TNFAIP8: variants seen among roughly 807,000 people sequenced by gnomAD.
The protein encoded by TNFAIP8 is tumor necrosis factor alpha-induced protein 8.
A neutral mutation model predicts 13.3 loss-of-function variants in TNFAIP8; 7 were observed. That is an observed-to-expected ratio of 0.52 (90% CI 0.30 to 0.99). TNFAIP8 has a LOEUF of 0.99. TNFAIP8 is among the 50% of genes least tolerant of loss of function. The pLI is 0.07. For missense variants in TNFAIP8, 258 were observed against 236.9 expected, an observed-to-expected ratio of 1.09 and a Z score of -0.58; for synonymous variants, 94 against 87.6, an observed-to-expected ratio of 1.07 and a Z score of -0.41.
intron 1 of TNFAIP8, among the ~76,000 whole-genome samples, chr5:119,392,113 A>G (rs965802164): frequency 3.3e-5 from 5 of 152,224 alleles, no homozygotes; most frequent in African/African-American, 4.8e-5. Flanking sequence ...GCAAGTGACA[A>G]TGAGCTCTCC....
At chr5:119,320,824 C>G (rs75308503) in intron 1 of TNFAIP8, among the ~76,000 whole-genome samples, 1 of 151,968 alleles carries the variant, frequency 6.6e-6, no homozygotes, top group African/African-American at 2.4e-5. Context: ...TGGAATTGCC[C>G]CAGGGCTTAG....
At chr5:119,300,579 A>T (rs116653286) in intron 1 of TNFAIP8, among the ~76,000 whole-genome samples, 1 of 152,158 alleles carries the variant, frequency 6.6e-6, no homozygotes, top group African/African-American at 2.4e-5. Context: ...CTTGCTTACT[A>T]TGTACTTCTC....
chr5:119,362,621 C>T (rs1244665841), intron 1 of TNFAIP8, among the ~76,000 whole-genome samples: 2 of 91,842 alleles, frequency 2.2e-5, no homozygotes, highest in Non-Finnish European at 5.3e-5. Flanking sequence ...CAAAGTGAGA[C>T]CCCCCATCTC....
chr5:119,394,193 T>G lies in TNFAIP8; in HGVS notation c.*812T>G, dbSNP rs558945085. ...GAGACAAAAAAGTCTAGATTGGTCT[T>G]GATATTGAGATAATAAAAAGTAAGT... On this transcript the variant is annotated 3_prime_UTR_variant, in exon 2 of 2. Transcript: ENST00000504771. The G allele has an allele frequency of 1.3e-5, 2 of 152,294 alleles. No individual in the cohort carries two copies. The highest frequency in any genetic ancestry group is 2.1e-4 in the South Asian group (1 of 4,830). 9.4% of individuals were successfully genotyped at this position (152,294 alleles called of 1,614,324 possible).
At position 119,356,130 on chromosome 5, in the gene TNFAIP8, C is replaced by T. The variant is rs769823125; in HGVS notation, c.31+9C>T. 1.6e-5 allele frequency: 26 copies of T among 1,578,192 alleles called. No individual in the cohort carries two copies. Among genetic ancestry groups the T allele is most frequent in the Middle Eastern group, 3.3e-4 (2 of 5,994 alleles). ...AGAAGAATCCAAGGAAGGTAGGATT[C>T]TGGTTTCTCCTGGGGGCCGGCCAAG... On this transcript the variant is annotated intron_variant, in intron 1 of 1. Transcript: ENST00000504771.
At chr5:119,352,051 G>A (rs1208502635), upstream of TNFAIP8, among the ~76,000 whole-genome samples, 3 of 152,078 alleles carry the variant, frequency 2.0e-5, no homozygotes, top group Admixed American at 6.5e-5. Context: ...GCCTCCCAAA[G>A]TGCTGGGATT....
At position 119,395,952 on chromosome 5, in the gene TNFAIP8, G is replaced by A. The variant is rs1378783105; in HGVS notation, c.*2571G>A. The A allele has an allele frequency of 6.6e-6, 1 of 152,080 alleles. No individual in the cohort carries two copies. The highest frequency in any genetic ancestry group is 1.5e-5 in the Non-Finnish European group (1 of 68,000). 9.4% of individuals were successfully genotyped at this position (152,080 alleles called of 1,614,324 possible). A position where few individuals can be genotyped will look rare whatever the true frequency, so the allele number is the denominator to read the frequency against. On this transcript the variant is annotated 3_prime_UTR_variant, in exon 2 of 2. Transcript: ENST00000504771. ...GGCTTCTCTGCAAAAATTATGAGTG[G>A]ATATGATAAGTGGATGATAATACTA... is the stretch of plus-strand genomic sequence containing the variant.
intron 1 of TNFAIP8, among the ~76,000 whole-genome samples, chr5:119,270,922 C>G (rs187031910): frequency 6.6e-6 from 1 of 152,308 alleles, no homozygotes; most frequent in South Asian, 2.1e-4. Flanking sequence ...TCTTTAAGGG[C>G]AACTTTTACT....
intron 1 of TNFAIP8, among the ~76,000 whole-genome samples, chr5:119,382,135 T>C (rs1374688288): frequency 6.6e-6 from 1 of 152,160 alleles, no homozygotes; most frequent in African/African-American, 2.4e-5. Flanking sequence ...TGAAATACAA[T>C]CATATTTATT....
intron 1 of TNFAIP8, among the ~76,000 whole-genome samples, chr5:119,275,232 C>A (rs969897852): frequency 6.6e-6 from 1 of 151,910 alleles, no homozygotes; most frequent in African/African-American, 2.4e-5. Context: ...AAATAACAAC[C>A]AAAACAATTA....
intron 1 of TNFAIP8, among the ~76,000 whole-genome samples, chr5:119,360,141 C>G (rs996934): frequency 3.2e-4 from 48 of 152,050 alleles, no homozygotes; most frequent in African/African-American, 1.2e-3. Context: ...CCCCACCTTA[C>G]GCCATTGAAC....
At chr5:119,300,529 A>G (rs1362941910) in intron 1 of TNFAIP8, among the ~76,000 whole-genome samples, 1 of 152,208 alleles carries the variant, frequency 6.6e-6, no homozygotes, top group Non-Finnish European at 1.5e-5. Context: ...GACTCAGTCT[A>G]TTATCAAAGC....
intron 1 of TNFAIP8, among the ~76,000 whole-genome samples, chr5:119,371,713 G>A (rs1752080284): frequency 6.6e-6 from 1 of 152,150 alleles, no homozygotes; most frequent in Non-Finnish European, 1.5e-5. Flanking sequence ...GATACTTTCT[G>A]CCTTTTGTAG....
chr5:119,377,624 C>G (rs541846849), intron 1 of TNFAIP8, among the ~76,000 whole-genome samples: 5 of 152,120 alleles, frequency 3.3e-5, no homozygotes, highest in Non-Finnish European at 7.4e-5. Flanking sequence ...TTTTGGTACT[C>G]AAATGTAGCT....
At position 119,340,471 on chromosome 5, in the gene TNFAIP8, G is replaced by A. The variant is rs1439949718; in HGVS notation, c.2-52345G>A. 7.2e-5 allele frequency among the ~76,000 whole-genome samples: 11 copies of A among 152,312 alleles called. No homozygotes were observed. The East Asian group carries it at 2.1e-3, about 29-fold the overall frequency. ...CTGAGCTCCTGAGGCCACCATGGAG[G>A]TCCTGGAGATTTAATTCTATTAATA... On this transcript the variant is annotated intron_variant, in intron 1 of 1. Transcript: ENST00000274456.
chr5:119,377,335 C>T (rs1227743130), intron 1 of TNFAIP8, among the ~76,000 whole-genome samples: 1 of 151,456 alleles, frequency 6.6e-6, no homozygotes, highest in African/African-American at 2.4e-5. Flanking sequence ...CTTAGGAGGT[C>T]AGAGTGACAT....
intron 1 of TNFAIP8, among the ~76,000 whole-genome samples, chr5:119,367,536 CTAGT>C (rs1440743420): frequency 9.9e-5 from 15 of 152,114 alleles, no homozygotes; most frequent in Admixed American, 9.8e-4. Context: ...ATCTTGTGAA[CTAGT>C]TAAACATGTT....
chr5:119,284,038 A>G (rs1187375210), intron 1 of TNFAIP8, among the ~76,000 whole-genome samples: 2 of 152,206 alleles, frequency 1.3e-5, no homozygotes, highest in Non-Finnish European at 2.9e-5. Context: ...TTGACCACTT[A>G]CTATGTGCCA....
At position 119,356,043 on chromosome 5, in the gene TNFAIP8, G is replaced by C. The variant is rs1581637975; in HGVS notation, c.-48G>C. On this transcript the variant is annotated 5_prime_UTR_variant, in exon 1 of 2. Coordinates refer to ENST00000504771, the MANE Select transcript of TNFAIP8 (RefSeq NM_014350.4). Reference sequence around the variant, plus strand: ...TGCAGAGCGAACTTGCGGCTCGTCCGAGTACATGTGAGCGGTAATCGCCCC... The same window carrying C: ...TGCAGAGCGAACTTGCGGCTCGTCCCAGTACATGTGAGCGGTAATCGCCCC... The C allele has an allele frequency of 1.3e-6, 2 of 1,549,272 alleles. No individual in the cohort carries two copies. Among genetic ancestry groups the C allele is most frequent in the Non-Finnish European group, 1.7e-6 (2 of 1,145,322 alleles).
Sources: allele counts gnomAD v4.1 joint callset (sites outside exome capture counted in the v4.1 genomes callset), GRCh38; gene constraint gnomAD v4.1.1; transcripts MANE v1.5; gene names NCBI Gene and HGNC (gene_info 2026-07-23, HGNC 2026-07-21).